The following PRKG1 variants were observed in gnomAD, a reference collection of about 807,000 sequenced individuals.
PRKG1 encodes the protein protein kinase cGMP-dependent 1.
A neutral mutation model predicts 88.1 loss-of-function variants in PRKG1; 35 were observed. The observed-to-expected ratio is 0.40, with a 90% CI of 0.30 to 0.53. The LOEUF is 0.53. PRKG1 is among the 20% of genes least tolerant of loss of function. The pLI, the probability that PRKG1 is intolerant of heterozygous loss-of-function variation, is 0.59. For missense variants in PRKG1, 540 were observed against 839.8 expected (o/e 0.64, Z 4.41); for synonymous variants, 303 against 292.5 (o/e 1.04, Z -0.37).
chr10:51,474,203 C>T (rs1316538269), intron 3 of PRKG1, among the ~76,000 whole-genome samples: 2 of 151,882 alleles, frequency 1.3e-5, no homozygotes, highest in African/African-American at 2.4e-5. Context: ...CAATTAGGCC[C>T]ATGTTCATAA....
intron 5 of PRKG1, among the ~76,000 whole-genome samples, chr10:51,944,193 G>A (rs1327268446): frequency 6.6e-6 from 1 of 152,012 alleles, no homozygotes; most frequent in African/African-American, 2.4e-5. Context: ...GAGGGTGTAG[G>A]TGTTGAGGAA....
intron 6 of PRKG1, 105 bp from the exon 7 acceptor site, chr10:52,062,432 A>C: frequency 1.5e-6 from 1 of 672,488 alleles, no homozygotes; most frequent in Non-Finnish European, 2.2e-6. Flanking sequence ...TTTCTTTATA[A>C]AAATAAGAAA....
At chr10:51,263,369 T>C (rs1214903135) in intron 2 of PRKG1, among the ~76,000 whole-genome samples, 1 of 152,212 alleles carries the variant, frequency 6.6e-6, no homozygotes, top group Non-Finnish European at 1.5e-5. Flanking sequence ...GTTTGTTTTT[T>C]CTGGATTCTG....
At chr10:51,257,269 C>A (rs144879038) in intron 2 of PRKG1, among the ~76,000 whole-genome samples, 1 of 151,248 alleles carries the variant, frequency 6.6e-6, no homozygotes, top group African/African-American at 2.4e-5. Flanking sequence ...CAGCTGGAGA[C>A]GTGCAAATGC....
Position 52,161,953 on chromosome 10 carries a change from G to A in PRKG1, c.1066G>A (p.Ala356Thr), listed in dbSNP as rs1838287354. The A allele has an allele frequency of 6.2e-7, 1 of 1,611,438 alleles. No individual in the cohort carries two copies. The highest frequency in any genetic ancestry group is 8.5e-7 in the Non-Finnish European group (1 of 1,178,950). Reference sequence around the variant, plus strand: ...TAATAAAGCATATGAAGATGCAGAAGCTAAAGCAAAGTAAGTGACTTTTTT... The same window carrying A: ...TAATAAAGCATATGAAGATGCAGAAACTAAAGCAAAGTAAGTGACTTTTTT... ...VSNKAYEDAE[A>T]KAKYEAEAAF... is the part of the protein sequence containing the mutation. Residue 356 changes from alanine to threonine, a missense_variant, in exon 9 of 18, where the codon GCT (alanine) becomes ACT (threonine). Around this residue, in one of 5 missense-constraint regions of PRKG1, gnomAD observed 400 missense variants for 562.7 expected, o/e 0.71. Coordinates refer to ENST00000373980, the MANE Select transcript of PRKG1 (RefSeq NM_006258.4).
chr10:51,801,199 C>T (rs1048064776), intron 3 of PRKG1, among the ~76,000 whole-genome samples: 7 of 152,052 alleles, frequency 4.6e-5, no homozygotes, highest in African/African-American at 1.7e-4. Context: ...CTTTGCAGTA[C>T]ATATGGTCTC....
intron 1 of PRKG1, among the ~76,000 whole-genome samples, chr10:51,040,962 AT>A (rs2132757940): frequency 6.6e-6 from 1 of 151,930 alleles, no homozygotes; most frequent in Non-Finnish European, 1.5e-5. Flanking sequence ...TTCCAATTTG[AT>A]GCCTTTTGTT....
intron 3 of PRKG1, among the ~76,000 whole-genome samples, chr10:51,509,460 T>C (rs1841327613): frequency 1.3e-5 from 2 of 152,166 alleles, no homozygotes; most frequent in Non-Finnish European, 2.9e-5. Flanking sequence ...TCTGTAGAGG[T>C]AGTGGTAAGG....
Position 50,991,692 on chromosome 10 carries a change from C to T in PRKG1, c.266+48C>T. 7.4e-7 allele frequency: 1 copy of T among 1,356,484 alleles called. No individual in the cohort carries two copies. Among genetic ancestry groups the T allele is most frequent in the Non-Finnish European group, 9.5e-7 (1 of 1,048,254 alleles). 84.0% of individuals were successfully genotyped at this position (1,356,484 alleles called of 1,614,324 possible). ...CGGGCGCTCGTCCCGGCCCGCGGCG[C>T]AGAGGCTGGGGGCTCTGGCCGCGGC... On this transcript the variant is annotated intron_variant, in intron 1 of 17. Coordinates refer to the PRKG1 transcript ENST00000401604. The surrounding 1 kb of genome is among the most constrained non-coding windows in gnomAD (Gnocchi z 4.5).
chr10:51,893,311 G>C (rs564544927), intron 4 of PRKG1, among the ~76,000 whole-genome samples: 1 of 152,068 alleles, frequency 6.6e-6, no homozygotes, highest in African/African-American at 2.4e-5. Context: ...TATTCCTGTG[G>C]TTCCTGAAAA....
intron 5 of PRKG1, among the ~76,000 whole-genome samples, chr10:51,970,350 C>T (rs1313552422): frequency 1.3e-5 from 2 of 151,736 alleles, no homozygotes; most frequent in East Asian, 1.9e-4. Context: ...ATTTAGTTGT[C>T]ATGTCTCTTT....
chr10:51,085,482 G>A (rs1330253677), intron 1 of PRKG1, among the ~76,000 whole-genome samples: 3 of 152,076 alleles, frequency 2.0e-5, no homozygotes, highest in South Asian at 2.1e-4. Context: ...GCACTGTTGA[G>A]TACAGAACTT....
intron 2 of PRKG1, among the ~76,000 whole-genome samples, chr10:51,372,678 C>G (rs12773635): frequency 6.6e-6 from 1 of 152,042 alleles, no homozygotes; most frequent in Non-Finnish European, 1.5e-5. Context: ...TAAAACATTA[C>G]AAATGGAAAT....
At chr10:52,221,641 T>A (rs1316425869) in intron 9 of PRKG1, among the ~76,000 whole-genome samples, 1 of 152,184 alleles carries the variant, frequency 6.6e-6, no homozygotes, top group Non-Finnish European at 1.5e-5. Context: ...TCACTGTCAG[T>A]GAAAAAATTA....
At chr10:51,148,275 A>C (rs941490412) in intron 1 of PRKG1, 12 of 985,082 alleles carry the variant, frequency 1.2e-5, no homozygotes, top group Middle Eastern at 5.2e-4. Flanking sequence ...TGACTGTGAA[A>C]ATCATTTATT....
At chr10:51,402,960 T>C (rs1393019867) in intron 2 of PRKG1, among the ~76,000 whole-genome samples, 1 of 152,176 alleles carries the variant, frequency 6.6e-6, no homozygotes, top group Non-Finnish European at 1.5e-5. Flanking sequence ...TTCTAAGTGA[T>C]TAAAAGGCAA....
At chr10:51,333,475 T>A (rs888827002) in intron 2 of PRKG1, among the ~76,000 whole-genome samples, 1 of 152,202 alleles carries the variant, frequency 6.6e-6, no homozygotes, top group African/African-American at 2.4e-5. Context: ...AGGAAAATGG[T>A]AAACCTGAGA....
At chr10:51,565,296 T>C (rs1837570236) in intron 3 of PRKG1, among the ~76,000 whole-genome samples, 2 of 152,126 alleles carry the variant, frequency 1.3e-5, no homozygotes, top group African/African-American at 4.8e-5. Context: ...GTCTTCATAC[T>C]GTCCTCACAT....
At chr10:52,032,799 C>T (rs190043297) in intron 5 of PRKG1, among the ~76,000 whole-genome samples, 1 of 152,286 alleles carries the variant, frequency 6.6e-6, no homozygotes, top group East Asian at 1.9e-4. Flanking sequence ...GTGATCACTA[C>T]ACTTGCTGAA....
Sources: allele counts gnomAD v4.1 joint callset (sites outside exome capture counted in the v4.1 genomes callset), GRCh38; gene constraint gnomAD v4.1.1; regional missense constraint gnomAD v4.1.1; non-coding constraint Gnocchi (gnomAD v3.1); transcripts MANE v1.5; gene names NCBI Gene and HGNC (gene_info 2026-07-23, HGNC 2026-07-21).